Variants in WASF3 observed in about 807,000 individuals in gnomAD.
The protein encoded by WASF3 is WASP family member 3, also known as actin-binding protein WASF3.
In WASF3, 11 loss-of-function variants were observed where a neutral mutation model predicts 46.6. The ratio of observed to expected loss-of-function variants is 0.24; its 90% confidence interval spans 0.15 to 0.39. The LOEUF (loss-of-function observed/expected upper bound fraction) is 0.39, where lower values mean the gene tolerates loss of function less well. Among genes scored for constraint, WASF3 ranks in the 10% least tolerant of loss-of-function variants. The probability of loss-of-function intolerance (pLI) is 1.00; values close to 1 mark genes in which losing one functional copy is unlikely to be tolerated. For synonymous variants in WASF3, 242 were observed against 259.7 expected, an observed-to-expected ratio of 0.93 and a Z score of 0.65; for missense variants, 576 against 669.8, an observed-to-expected ratio of 0.86 and a Z score of 1.55.
the WASF3 span, among the ~76,000 whole-genome samples, chr13:26,539,972 G>A: frequency 5.6e-3 from 859 of 152,238 alleles, 10 homozygotes; most frequent in African/African-American, 0.019. Flanking sequence ...ACCAGCAGGC[G>A]GAACAGAGTG....
chr13:26,674,052 A>G (rs1164913819), intron 6 of WASF3, among the ~76,000 whole-genome samples: 1 of 152,078 alleles, frequency 6.6e-6, no homozygotes, highest in Non-Finnish European at 1.5e-5. Context: ...ATCCTGGGGG[A>G]GGAACCAGTT....
the WASF3 span, among the ~76,000 whole-genome samples, chr13:26,549,481 G>A: frequency 6.6e-6 from 1 of 152,042 alleles, no homozygotes; most frequent in South Asian, 2.1e-4. Context: ...TATGGGTATT[G>A]AGCGTTAGTG....
chr13:26,629,287 A>G (rs1328350111), intron 2 of WASF3, among the ~76,000 whole-genome samples: 2 of 152,104 alleles, frequency 1.3e-5, no homozygotes, highest in Non-Finnish European at 2.9e-5. Context: ...CCCACTCCCG[A>G]ATTTCTACCC....
chr13:26,574,838 TTC>T (rs994162023), intron 1 of WASF3, among the ~76,000 whole-genome samples: 13 of 151,818 alleles, frequency 8.6e-5, no homozygotes, highest in Admixed American at 3.3e-4. Context: ...CCTTAACCCC[TTC>T]TTTTTTTTTT....
chr13:26,611,588 A>C (rs978112909), intron 1 of WASF3, among the ~76,000 whole-genome samples: 9 of 152,174 alleles, frequency 5.9e-5, no homozygotes, highest in Non-Finnish European at 1.3e-4. Flanking sequence ...CATCAAGTCG[A>C]ATCAGCTGAT....
At chr13:26,550,017 A>G in the WASF3 span, among the ~76,000 whole-genome samples, 1 of 152,206 alleles carries the variant, frequency 6.6e-6, no homozygotes, top group Non-Finnish European at 1.5e-5. Context: ...AGTGTTGTAC[A>G]TTTCTTTTAG....
intron 6 of WASF3, among the ~76,000 whole-genome samples, chr13:26,676,115 T>C (rs982340231): frequency 2.0e-5 from 3 of 152,226 alleles, no homozygotes; most frequent in African/African-American, 7.2e-5. Flanking sequence ...GGGAACAGAA[T>C]GTTTTGAATT....
intron 2 of WASF3, among the ~76,000 whole-genome samples, chr13:26,616,620 C>T (rs1406140892): frequency 6.6e-6 from 1 of 151,964 alleles, no homozygotes; most frequent in African/African-American, 2.4e-5. Context: ...TTATTTTTTG[C>T]ACTTTCCCCA....
chr13:26,672,534 C>T (rs1251667328), intron 6 of WASF3, among the ~76,000 whole-genome samples: 1 of 152,144 alleles, frequency 6.6e-6, no homozygotes, highest in East Asian at 1.9e-4. Context: ...GCATGCATTA[C>T]AAGCAGTCTT....
chr13:26,687,782 C>T lies in WASF3; in HGVS notation c.*1937C>T, dbSNP rs1883457859. 6.8e-6 allele frequency: 1 copy of T among 146,364 alleles called. No individual in the cohort carries two copies. The highest frequency in any genetic ancestry group is 1.5e-5 in the Non-Finnish European group (1 of 67,060). The allele number at this position is 146,364 out of a possible 1,614,324, so 9.1% of individuals were successfully genotyped here. Reference sequence around the variant, plus strand: ...TACTACATTGGCGCTATTCTTAGGACTTCTGCAACTTTTAAAGTCTTACTT... The same window carrying T: ...TACTACATTGGCGCTATTCTTAGGATTTCTGCAACTTTTAAAGTCTTACTT... On this transcript the variant is annotated 3_prime_UTR_variant, in exon 10 of 10. Coordinates refer to ENST00000335327, the MANE Select transcript of WASF3 (RefSeq NM_006646.6).
chr13:26,668,087 C>A (rs1271885972), intron 5 of WASF3, among the ~76,000 whole-genome samples: 1 of 149,608 alleles, frequency 6.7e-6, no homozygotes, highest in Admixed American at 6.7e-5. Flanking sequence ...ATATTTAATT[C>A]AGAAAAAAAT....
At chr13:26,563,798 T>A (rs1195806663) in intron 1 of WASF3, among the ~76,000 whole-genome samples, 3 of 151,980 alleles carry the variant, frequency 2.0e-5, no homozygotes, top group Non-Finnish European at 4.4e-5. Flanking sequence ...TGACTTTTTT[T>A]TTTTTTAAAT....
In WASF3 at chr13:26,565,953, A is replaced by G. The variant is rs79161483; in HGVS notation, c.-109+8134A>G. Among the ~76,000 whole-genome samples the G allele has an allele frequency of 2.1e-3, 317 of 152,328 alleles. 9 individuals are homozygous for G. The East Asian group carries it at 0.056, about 27-fold the overall frequency. On this transcript the variant is annotated intron_variant, in intron 1 of 9. Transcript: ENST00000335327. ...CTCAAAAAAAAATTATGAAAACTAC[A>G]AAACTTCAGAACATCATTTGAAATA...
chr13:26,554,682 T>C (rs954056772), upstream of WASF3, among the ~76,000 whole-genome samples: 4 of 152,228 alleles, frequency 2.6e-5, no homozygotes, highest in African/African-American at 4.8e-5. Flanking sequence ...CATTTAGCTA[T>C]ATGCATTTAA....
chr13:26,577,271 C>T (rs964406714), intron 1 of WASF3: 27 of 739,992 alleles, frequency 3.6e-5, no homozygotes, highest in African/African-American at 1.4e-4. Flanking sequence ...TCAGGACTAC[C>T]GATGGTTACT....
intron 1 of WASF3, among the ~76,000 whole-genome samples, chr13:26,579,190 T>C (rs7992057): frequency 6.6e-6 from 1 of 150,666 alleles, no homozygotes; most frequent in African/African-American, 2.4e-5. Context: ...TTTTTAAAGA[T>C]GGGGTCTCAC....
At chr13:26,680,458 G>A (rs1883193042) in intron 7 of WASF3, among the ~76,000 whole-genome samples, 4 of 152,150 alleles carry the variant, frequency 2.6e-5, no homozygotes, top group African/African-American at 4.8e-5. Flanking sequence ...CTTTCCTTTC[G>A]GAGTTTCACA....
At chr13:26,558,077 G>A (rs1879156963) in intron 1 of WASF3, among the ~76,000 whole-genome samples, 1 of 151,730 alleles carries the variant, frequency 6.6e-6, no homozygotes, top group Non-Finnish European at 1.5e-5. Context: ...CGGCCAGGCG[G>A]CCCTTCTCTC....
intron 6 of WASF3, among the ~76,000 whole-genome samples, chr13:26,675,089 C>G (rs1883024430): frequency 6.6e-6 from 1 of 152,158 alleles, no homozygotes; most frequent in African/African-American, 2.4e-5. Context: ...TTCTTTCACC[C>G]TATACCCACT....
Sources: allele counts gnomAD v4.1 joint callset (sites outside exome capture counted in the v4.1 genomes callset), GRCh38; gene constraint gnomAD v4.1.1; transcripts MANE v1.5; gene names NCBI Gene and HGNC (gene_info 2026-07-23, HGNC 2026-07-21).